SPMIP2: variants seen among roughly 807,000 people sequenced by gnomAD.
The protein encoded by SPMIP2 is protein SPMIP2.
the SPMIP2 span, among the ~76,000 whole-genome samples, chr4:158,929,183 TA>T: frequency 6.6e-6 from 1 of 152,128 alleles, no homozygotes; most frequent in Non-Finnish European, 1.5e-5. Context: ...CGTGGTTACT[TA>T]AAAAAATTCT....
the SPMIP2 span, among the ~76,000 whole-genome samples, chr4:159,025,171 C>T: frequency 7.9e-5 from 12 of 152,018 alleles, no homozygotes; most frequent in South Asian, 2.1e-4. Flanking sequence ...ATGGAAATGC[C>T]GACTCTCAAG....
At chr4:158,896,918 C>T in the SPMIP2 span, among the ~76,000 whole-genome samples, 2 of 151,536 alleles carry the variant, frequency 1.3e-5, no homozygotes, top group African/African-American at 4.9e-5. Context: ...CATAGGTATA[C>T]ACGTGCCATG....
the SPMIP2 span, among the ~76,000 whole-genome samples, chr4:159,002,702 T>C: frequency 1.3e-5 from 2 of 152,186 alleles, no homozygotes; most frequent in Non-Finnish European, 2.9e-5. Context: ...TGGCACCATT[T>C]GTAAAAGACT....
the SPMIP2 span, among the ~76,000 whole-genome samples, chr4:158,940,360 C>T: frequency 6.6e-6 from 1 of 152,120 alleles, no homozygotes; most frequent in Non-Finnish European, 1.5e-5. Context: ...TCGAAATTCA[C>T]CATATGAACT....
the SPMIP2 span, among the ~76,000 whole-genome samples, chr4:158,922,728 C>T: frequency 6.6e-6 from 1 of 152,288 alleles, no homozygotes; most frequent in South Asian, 2.1e-4. Flanking sequence ...CAAAAAGATA[C>T]TTTATAGTAA....
chr4:159,014,614 A>T, the SPMIP2 span, among the ~76,000 whole-genome samples: 1 of 152,252 alleles, frequency 6.6e-6, no homozygotes, highest in African/African-American at 2.4e-5. Flanking sequence ...TGCTGCCATG[A>T]TGTGCTGTCA....
At chr4:158,957,101 C>T in the SPMIP2 span, among the ~76,000 whole-genome samples, 10 of 152,068 alleles carry the variant, frequency 6.6e-5, no homozygotes, top group Admixed American at 6.5e-4. Flanking sequence ...CTGGCCCTGG[C>T]TGATCTTTCT....
the SPMIP2 span, among the ~76,000 whole-genome samples, chr4:158,917,804 C>T: frequency 6.9e-6 from 1 of 144,092 alleles, no homozygotes; most frequent in African/African-American, 2.6e-5. Flanking sequence ...TCACTGCAAC[C>T]TCTGCCTCCC....
the SPMIP2 span, among the ~76,000 whole-genome samples, chr4:158,997,914 C>T: frequency 1.3e-5 from 2 of 152,164 alleles, no homozygotes. Context: ...ACATCGGCCT[C>T]CCAAAGTGCT....
chr4:158,921,315 A>G, the SPMIP2 span, among the ~76,000 whole-genome samples: 1 of 152,112 alleles, frequency 6.6e-6, no homozygotes, highest in African/African-American at 2.4e-5. Context: ...GGTGGCATGC[A>G]TTTGTAATTC....
At chr4:158,982,210 C>T in the SPMIP2 span, among the ~76,000 whole-genome samples, 1 of 152,140 alleles carries the variant, frequency 6.6e-6, no homozygotes, top group Non-Finnish European at 1.5e-5. Context: ...CAGGAGCACC[C>T]AGATTCATAA....
chr4:158,977,983 G>T, the SPMIP2 span, among the ~76,000 whole-genome samples: 2 of 151,912 alleles, frequency 1.3e-5, no homozygotes, highest in African/African-American at 2.4e-5. Flanking sequence ...GTTTGCTCTT[G>T]TTTCTCTAGC....
At chr4:159,021,132 G>T in the SPMIP2 span, among the ~76,000 whole-genome samples, 1 of 150,554 alleles carries the variant, frequency 6.6e-6, no homozygotes, top group Non-Finnish European at 1.5e-5. Flanking sequence ...CTGTGGTTCT[G>T]TCACTTCATC....
chr4:159,038,620 G>A, the SPMIP2 span: 1 of 152,320 alleles, frequency 6.6e-6, no homozygotes, highest in African/African-American at 2.4e-5. Context: ...CCAGAGTCAT[G>A]GGAACAGAGA....
the SPMIP2 span, among the ~76,000 whole-genome samples, chr4:159,076,841 ATT>A: frequency 7.3e-4 from 107 of 145,842 alleles, no homozygotes; most frequent in African/African-American, 6.6e-4. Flanking sequence ...CACTAAACAG[ATT>A]TTTTTTTTTT....
chr4:158,893,600 C>T, the SPMIP2 span: 1 of 1,026,176 alleles, frequency 9.7e-7, no homozygotes, highest in Non-Finnish European at 1.5e-6. Context: ...TGTCCTGGGG[C>T]AATATGAGAA....
chr4:158,904,421 C>A, the SPMIP2 span: 1 of 1,458,896 alleles, frequency 6.9e-7, no homozygotes, highest in Non-Finnish European at 9.6e-7. Flanking sequence ...TCTCATAAAA[C>A]CATGCTCTTT....
the SPMIP2 span, among the ~76,000 whole-genome samples, chr4:158,943,326 T>C: frequency 6.6e-6 from 1 of 152,326 alleles, no homozygotes; most frequent in East Asian, 1.9e-4. Context: ...CAATTTTTCT[T>C]GGATCCTATA....
At chr4:158,960,031 T>A in the SPMIP2 span, among the ~76,000 whole-genome samples, 1 of 152,174 alleles carries the variant, frequency 6.6e-6, no homozygotes, top group Non-Finnish European at 1.5e-5. Context: ...GGCTTGCTTC[T>A]CCTTTTCTTT....
Sources: allele counts gnomAD v4.1 joint callset (sites outside exome capture counted in the v4.1 genomes callset), GRCh38; gene constraint gnomAD v4.1.1; transcripts MANE v1.5; gene names NCBI Gene and HGNC (gene_info 2026-07-23, HGNC 2026-07-21).